ANLN: variants seen among roughly 807,000 people sequenced by gnomAD.
ANLN encodes anillin, actin binding protein, also known as anillin.
ANLN carries 59 observed loss-of-function variants against 135.1 expected under a neutral mutation model. The ratio of observed to expected loss-of-function variants is 0.44; its 90% CI spans 0.35 to 0.54. The LOEUF (loss-of-function observed/expected upper bound fraction) is 0.54. Ranked by LOEUF, ANLN falls within the 20% of genes least tolerant of loss-of-function variation. The pLI is 0.00. For missense variants in ANLN, 1,182 were observed against 1,340.0 expected (o/e 0.88, Z 1.84); for synonymous variants, 406 against 456.4 (o/e 0.89, Z 1.41).
intron 19 of ANLN, 39 bp downstream of exon 19, chr7:36,426,075 G>A: frequency 2.1e-6 from 3 of 1,408,428 alleles, no homozygotes; most frequent in Admixed American, 5.2e-5. Context: ...TTAGAATAAG[G>A]TAAGGAATTA....
intron 21 of ANLN, among the ~76,000 whole-genome samples, chr7:36,439,666 G>A (rs919027653): frequency 6.6e-6 from 1 of 152,234 alleles, no homozygotes; most frequent in Non-Finnish European, 1.5e-5. Flanking sequence ...GTTAATCTGA[G>A]AGAAAGATGA....
rs796229641 is a variant in ANLN, at chr7:36,431,561, T to G, written c.2883+4533T>G. Among the ~76,000 whole-genome samples, 264 of 76,030 alleles carry G rather than the reference T, an allele frequency of 3.5e-3. 1 individual carries two copies. Among genetic ancestry groups the G allele is most frequent in the African/African-American group, 0.011 (221 of 19,964 alleles). 49.9% of individuals were successfully genotyped at this position (76,030 alleles called of 152,430 possible). A position where few individuals can be genotyped will look rare whatever the true frequency, so the allele number is the denominator to read the frequency against. On this transcript the variant is annotated intron_variant, in intron 20 of 23. Coordinates refer to ENST00000265748, the MANE Select transcript of ANLN (RefSeq NM_018685.5). Reference sequence around the variant, plus strand: ...TATATGTGTGTATATATGTGTGTGTTTGTGTGTGTGTGTGTGTGTGTGTGT... The same window carrying G: ...TATATGTGTGTATATATGTGTGTGTGTGTGTGTGTGTGTGTGTGTGTGTGT...
chr7:36,421,162 G>C (rs1228274141), intron 12 of ANLN, among the ~76,000 whole-genome samples: 3 of 151,750 alleles, frequency 2.0e-5, no homozygotes, highest in South Asian at 2.1e-4. Flanking sequence ...CTGCCTCCCG[G>C]GTTCAAGCAA....
chr7:36,447,318 T>A (rs1789046150), intron 22 of ANLN, among the ~76,000 whole-genome samples: 2 of 152,196 alleles, frequency 1.3e-5, no homozygotes, highest in South Asian at 4.1e-4. Context: ...GGAAGCACTT[T>A]ATGGTTTGTC....
intron 7 of ANLN, among the ~76,000 whole-genome samples, chr7:36,412,680 G>C (rs1450779077): frequency 6.6e-6 from 1 of 152,020 alleles, no homozygotes; most frequent in Non-Finnish European, 1.5e-5. Context: ...TTAAAATCTT[G>C]AAGTGCTCCT....
At chr7:36,451,070 A>G (rs990945974) in intron 23 of ANLN, among the ~76,000 whole-genome samples, 1 of 152,184 alleles carries the variant, frequency 6.6e-6, no homozygotes, top group Non-Finnish European at 1.5e-5. Flanking sequence ...TACATTCTCA[A>G]TTCAGTCTTG....
chr7:36,447,720 C>T (rs867533699), intron 22 of ANLN, among the ~76,000 whole-genome samples: 4 of 152,142 alleles, frequency 2.6e-5, no homozygotes, highest in South Asian at 2.1e-4. Context: ...GGCGTGGATA[C>T]GCTGGACAAA....
At chr7:36,451,646 T>C (rs1257418997) in intron 23 of ANLN, among the ~76,000 whole-genome samples, 1 of 152,238 alleles carries the variant, frequency 6.6e-6, no homozygotes, top group Non-Finnish European at 1.5e-5. Context: ...GTGGCTATTA[T>C]AAGTGCAGTA....
intron 7 of ANLN, among the ~76,000 whole-genome samples, chr7:36,413,339 G>A (rs777391517): frequency 4.6e-5 from 7 of 151,962 alleles, no homozygotes; most frequent in Non-Finnish European, 1.0e-4. Context: ...CTCCTTCCAC[G>A]ACTCAGTATC....
intron 22 of ANLN, among the ~76,000 whole-genome samples, chr7:36,448,149 G>T (rs1219692509): frequency 6.6e-6 from 1 of 152,056 alleles, no homozygotes; most frequent in Non-Finnish European, 1.5e-5. Flanking sequence ...GAGTAGCTGG[G>T]ACTACAGGCA....
rs756995024 is a variant in ANLN, at chr7:36,452,624, A to G, written c.*24A>G. The G allele has an allele frequency of 6.2e-7, 1 of 1,611,026 alleles. No homozygotes were observed. The highest frequency in any genetic ancestry group is 1.7e-5 in the Admixed American group (1 of 59,812). The stretch of plus-strand genomic sequence containing the variant: ...AAACCGGGAAATTTCCATGCTATCT[A>G]GAGGTTTTTGATGTCATCTTAAGAA... On this transcript the variant is annotated 3_prime_UTR_variant, in exon 24 of 24. Transcript: ENST00000265748.
At chr7:36,412,421 C>T (rs535772553) in intron 7 of ANLN, among the ~76,000 whole-genome samples, 12 of 150,714 alleles carry the variant, frequency 8.0e-5, no homozygotes, top group South Asian at 6.3e-4. Context: ...CTCCACCTCC[C>T]GGCTTCAAGC....
intron 11 of ANLN, 23 bp from the exon 12 acceptor site, chr7:36,420,574 A>G (rs539033058): frequency 6.3e-7 from 1 of 1,595,776 alleles, no homozygotes; most frequent in Non-Finnish European, 8.6e-7. Context: ...GATTTCTAAT[A>G]GAGTGTAACT....
At position 36,437,582 on chromosome 7, in the gene ANLN, T is replaced by A. The variant is rs537199593; in HGVS notation, c.2884-1622T>A. ...ATTGCTGGGTTATATGGTAGTTTTA[T>A]TTTTTCATTTTTTTTTTGTGGAACC... On this transcript the variant is annotated intron_variant, in intron 20 of 23. Transcript: ENST00000265748. Among the ~76,000 whole-genome samples, 147 of 152,208 alleles carry A rather than the reference T, an allele frequency of 9.7e-4. 1 individual carries two copies. The highest frequency in any genetic ancestry group is 3.2e-3 in the African/African-American group (131 of 41,544).
intron 20 of ANLN, 119 bp downstream of exon 20, chr7:36,427,147 C>T (rs1583634549): frequency 5.2e-6 from 3 of 575,832 alleles, no homozygotes; most frequent in South Asian, 2.7e-5. Context: ...AACATATGTT[C>T]TTAGAATTGC....
chr7:36,446,094 T>G (rs1348441023), intron 22 of ANLN, among the ~76,000 whole-genome samples: 1 of 152,218 alleles, frequency 6.6e-6, no homozygotes, highest in Admixed American at 6.5e-5. Context: ...TTCCCTAGTC[T>G]TAGGCCTGGC....
At chr7:36,397,398 A>T (rs1409042518) in intron 2 of ANLN, among the ~76,000 whole-genome samples, 1 of 152,166 alleles carries the variant, frequency 6.6e-6, no homozygotes, top group East Asian at 1.9e-4. Context: ...GTGTTACCTA[A>T]ACTTCTTTAG....
intron 5 of ANLN, among the ~76,000 whole-genome samples, chr7:36,409,733 G>C (rs540333901): frequency 6.6e-6 from 1 of 152,050 alleles, no homozygotes; most frequent in African/African-American, 2.4e-5. Context: ...GCAGTGAGTG[G>C]CATGATCTCA....
chr7:36,397,153 T>TA (rs1562783772), intron 2 of ANLN, among the ~76,000 whole-genome samples: 47 of 88,810 alleles, frequency 5.3e-4, no homozygotes, highest in African/African-American at 8.8e-4. Flanking sequence ...CAATGTTTTT[T>TA]TAAAAAAAAA....
Sources: gnomAD v4.1 joint callset for allele counts (sites outside exome capture counted in the v4.1 genomes callset) on GRCh38, gnomAD v4.1.1 for gene constraint, MANE v1.5 for transcripts, NCBI Gene and HGNC (gene_info 2026-07-23, HGNC 2026-07-21) for gene names.